Variants in SLC24A4 observed in about 807,000 individuals in gnomAD.
The protein encoded by SLC24A4 is solute carrier family 24 member 4.
Under a neutral mutation model 79.0 loss-of-function variants are expected in SLC24A4, and 53 were observed. That is an observed-to-expected ratio of 0.67 (90% CI 0.54 to 0.84). The LOEUF is 0.84. Among genes scored for constraint, SLC24A4 ranks in the 40% least tolerant of loss-of-function variants. The pLI is 0.00. For missense variants in SLC24A4, 731 were observed against 822.0 expected (o/e 0.89, Z 1.35); for synonymous variants, 323 against 323.8 (o/e 1.00, Z 0.03).
intron 2 of SLC24A4, among the ~76,000 whole-genome samples, chr14:92,382,204 G>A (rs1042137191): frequency 2.6e-5 from 4 of 151,946 alleles, no homozygotes; most frequent in Non-Finnish European, 5.9e-5. Flanking sequence ...ATGCGCCTGG[G>A]TTAATGTTGG....
chr14:92,386,796 C>T (rs989782080), intron 2 of SLC24A4, among the ~76,000 whole-genome samples: 6 of 152,268 alleles, frequency 3.9e-5, no homozygotes, highest in East Asian at 1.9e-4. Context: ...ATGATTTGCC[C>T]GGCTGTGGCC....
intron 4 of SLC24A4, among the ~76,000 whole-genome samples, chr14:92,440,173 C>G (rs10143414): frequency 6.6e-6 from 1 of 152,088 alleles, no homozygotes; most frequent in Non-Finnish European, 1.5e-5. Context: ...GCTCAGTGTC[C>G]TTGCAGAATT....
chr14:92,486,610 T>G (rs567783263), intron 13 of SLC24A4, 56 bp from the exon 14 acceptor site: 1 of 1,099,982 alleles, frequency 9.1e-7, no homozygotes, highest in East Asian at 2.4e-5. Context: ...TAGGAATATT[T>G]CTTTAGTCCA....
intron 2 of SLC24A4, among the ~76,000 whole-genome samples, chr14:92,351,988 G>A (rs144172481): frequency 2.7e-4 from 41 of 151,772 alleles, no homozygotes; most frequent in Middle Eastern, 3.4e-3. Context: ...GTAGGTGAAG[G>A]CTTAGTTTTA....
intron 11 of SLC24A4, among the ~76,000 whole-genome samples, 194 bp downstream of exon 11, chr14:92,454,263 G>A (rs899761816): frequency 6.6e-6 from 1 of 152,224 alleles, no homozygotes; most frequent in Non-Finnish European, 1.5e-5. Context: ...TGCAGCAATC[G>A]AATACCTTGC....
At chr14:92,485,200 A>G (rs1291945196) in intron 13 of SLC24A4, among the ~76,000 whole-genome samples, 1 of 152,164 alleles carries the variant, frequency 6.6e-6, no homozygotes, top group Middle Eastern at 3.2e-3. Context: ...GTGGTGGCTC[A>G]CACCTGTAAT....
intron 2 of SLC24A4, among the ~76,000 whole-genome samples, chr14:92,369,760 C>A (rs1888045616): frequency 6.6e-6 from 1 of 152,096 alleles, no homozygotes; most frequent in South Asian, 2.1e-4. Flanking sequence ...TTAGCAGTAT[C>A]CCTGGCTCCT....
At chr14:92,453,101 C>A (rs7148860) in intron 10 of SLC24A4, 66,719 of 151,822 alleles carry the variant, frequency 0.44, 15,475 homozygotes, top group African/African-American at 0.59. Context: ...GGATACCGGC[C>A]CAGTGCAGGT....
intron 2 of SLC24A4, among the ~76,000 whole-genome samples, chr14:92,338,686 C>G (rs941323450): frequency 2.0e-5 from 3 of 152,146 alleles, no homozygotes; most frequent in Non-Finnish European, 2.9e-5. Flanking sequence ...AGCTCTGTAC[C>G]TAAGATATCT....
intron 12 of SLC24A4, among the ~76,000 whole-genome samples, chr14:92,463,435 A>G (rs1893930236): frequency 6.6e-6 from 1 of 152,138 alleles, no homozygotes; most frequent in African/African-American, 2.4e-5. Context: ...CGTCTGTTCC[A>G]GGCCCCCAGA....
intron 2 of SLC24A4, among the ~76,000 whole-genome samples, chr14:92,416,837 A>C (rs182478474): frequency 3.1e-3 from 468 of 152,386 alleles, no homozygotes; most frequent in African/African-American, 0.011. Context: ...CACCAAGCCT[A>C]GAAGGAATGA....
intron 3 of SLC24A4, among the ~76,000 whole-genome samples, chr14:92,434,499 A>AG (rs1362056595): frequency 1.3e-5 from 2 of 152,220 alleles, no homozygotes; most frequent in Admixed American, 1.3e-4. Context: ...GGAAGTATAA[A>AG]GAAACTATAC....
chr14:92,332,288 A>G (rs1489722546), intron 2 of SLC24A4, among the ~76,000 whole-genome samples: 2 of 152,182 alleles, frequency 1.3e-5, no homozygotes, highest in African/African-American at 4.8e-5. Flanking sequence ...TCTCAAAAAA[A>G]CAAAAAACAA....
At chr14:92,450,989 C>T (rs895589234) in intron 10 of SLC24A4, 1 of 152,186 alleles carries the variant, frequency 6.6e-6, no homozygotes, top group African/African-American at 2.4e-5. Flanking sequence ...GTGCCTGTGA[C>T]AGTAGCACTT....
chr14:92,466,699 G>A (rs896528162), intron 12 of SLC24A4, among the ~76,000 whole-genome samples: 1 of 152,204 alleles, frequency 6.6e-6, no homozygotes, highest in Non-Finnish European at 1.5e-5. Flanking sequence ...TAATCTGACA[G>A]TTGACACCTG....
Position 92,449,117 on chromosome 14 carries a change from A to G in SLC24A4, c.781A>G (p.Ser261Gly). 6.2e-7 allele frequency: 1 copy of G among 1,614,188 alleles called. No homozygotes were observed. Among genetic ancestry groups the G allele is most frequent in the Non-Finnish European group, 8.5e-7 (1 of 1,180,042 alleles). The change falls in exon 10 of 17, where the codon AGC becomes GGC. Residue 261 changes from serine (S) to glycine (G), a missense_variant. By Grantham distance (56) the Ser-to-Gly change is moderately conservative (BLOSUM62 0). Transcript: ENST00000532405. Reference protein sequence around the residue: ...MQAFFTVKQKSIANGNPVNSE... With the variant: ...MQAFFTVKQKGIANGNPVNSE... ...AGCCTTTTTCACAGTCAAACAAAAG[A>G]GCATTGCAAACGGTAACCCGGTCAA...
chr14:92,435,468 C>T (rs1432291283), intron 3 of SLC24A4, among the ~76,000 whole-genome samples: 1 of 152,142 alleles, frequency 6.6e-6, no homozygotes, highest in Non-Finnish European at 1.5e-5. Flanking sequence ...TATTATCTGC[C>T]CCTTTACAGA....
In SLC24A4 at chr14:92,397,921, A is replaced by G. The variant is rs561594411; in HGVS notation, c.242-35991A>G. Among the ~76,000 whole-genome samples the G allele has an allele frequency of 5.9e-5, 9 of 152,330 alleles. No individual in the cohort carries two copies. The East Asian group carries it at 1.2e-3, about 20-fold the overall frequency. ...AATAAGCAGGATTTGGCTTCAAATC[A>G]GTCCTGAATTACATGGGTCCGCAGG... On this transcript the variant is annotated intron_variant, in intron 2 of 16. Coordinates refer to ENST00000532405, the MANE Select transcript of SLC24A4 (RefSeq NM_153646.4).
intron 12 of SLC24A4, among the ~76,000 whole-genome samples, chr14:92,476,496 C>A (rs1894774091): frequency 6.6e-6 from 1 of 151,692 alleles, no homozygotes; most frequent in Non-Finnish European, 1.5e-5. Flanking sequence ...TAGGAAGATT[C>A]TAGCACAAAT....
Sources: allele counts gnomAD v4.1 joint callset (sites outside exome capture counted in the v4.1 genomes callset), GRCh38; gene constraint gnomAD v4.1.1; transcripts MANE v1.5; gene names NCBI Gene and HGNC (gene_info 2026-07-23, HGNC 2026-07-21).